The following PDIA6 variants were observed in gnomAD, a reference collection of about 807,000 sequenced individuals.
The protein encoded by PDIA6 is protein disulfide isomerase family A member 6, also known as protein disulfide-isomerase A6.
In PDIA6, 29 loss-of-function variants were observed where a neutral mutation model predicts 58.4. The ratio of observed to expected loss-of-function variants is 0.50; its 90% confidence interval spans 0.37 to 0.68. The LOEUF is 0.68. PDIA6 is among the 30% of genes least tolerant of loss of function. PDIA6 has a pLI of 0.00. For synonymous variants in PDIA6, 192 were observed against 202.6 expected (o/e 0.95, Z 0.44); for missense variants, 480 against 551.0 (o/e 0.87, Z 1.29).
chr2:10,786,557 G>A (rs1572647204), intron 11 of PDIA6, among the ~76,000 whole-genome samples: 1 of 152,022 alleles, frequency 6.6e-6, no homozygotes, highest in South Asian at 2.1e-4. Context: ...ACAAACTTCT[G>A]TGTCAAGTAG....
chr2:10,830,150 G>C (rs927755544), intron 1 of PDIA6, among the ~76,000 whole-genome samples: 1 of 152,210 alleles, frequency 6.6e-6, no homozygotes, highest in East Asian at 1.9e-4. Flanking sequence ...CCTTGCACCC[G>C]CATGTAGAAG....
rs537536348 is a variant in PDIA6 at position 10,805,982 on chromosome 2, G to A, written c.20-3342C>T. On this transcript the variant is annotated intron_variant, in intron 1 of 12. Coordinates refer to ENST00000272227, the MANE Select transcript of PDIA6 (RefSeq NM_005742.4). Reference sequence around the variant, plus strand: ...GCTAGATGAGGAGTTAGTGGGTGCAGTGCACCAGCATGGCACATGTACCCT... The same window carrying A: ...GCTAGATGAGGAGTTAGTGGGTGCAATGCACCAGCATGGCACATGTACCCT... Among the ~76,000 whole-genome samples, 2 of 53,594 alleles carry A rather than the reference G, an allele frequency of 3.7e-5. 1 individual carries two copies. Among genetic ancestry groups the A allele is most frequent in the Non-Finnish European group, 1.1e-4 (2 of 18,688 alleles). 35.2% of individuals were successfully genotyped at this position (53,594 alleles called of 152,430 possible). A position where few individuals can be genotyped will look rare whatever the true frequency, so the allele number is the denominator to read the frequency against.
intron 1 of PDIA6, among the ~76,000 whole-genome samples, chr2:10,807,378 A>T (rs923360248): frequency 6.6e-6 from 1 of 152,052 alleles, no homozygotes; most frequent in African/African-American, 2.4e-5. Flanking sequence ...TAACTTTTAA[A>T]TTTTTTGTAG....
intron 1 of PDIA6, among the ~76,000 whole-genome samples, chr2:10,808,481 T>G (rs1455747489): frequency 2.6e-5 from 4 of 152,154 alleles, no homozygotes; most frequent in African/African-American, 9.7e-5. Context: ...CAAGGAAGGT[T>G]TTCTTTGAAG....
chr2:10,825,718 A>G (rs965288585), intron 1 of PDIA6, among the ~76,000 whole-genome samples: 1 of 152,242 alleles, frequency 6.6e-6, no homozygotes, highest in Non-Finnish European at 1.5e-5. Flanking sequence ...AATAAAGCAC[A>G]TGAAAAGATG....
At chr2:10,836,684 A>G (rs995798465), upstream of PDIA6, among the ~76,000 whole-genome samples, 1 of 152,042 alleles carries the variant, frequency 6.6e-6, no homozygotes, top group Non-Finnish European at 1.5e-5. Flanking sequence ...AGTCACCTCA[A>G]AAAGAAACCT....
chr2:10,784,398 T>C (rs1198873), intron 12 of PDIA6, 72 bp from the exon 13 acceptor site: 708,395 of 1,239,380 alleles, frequency 0.57, 203,225 homozygotes, highest in Middle Eastern at 0.62. Flanking sequence ...TCTCATTTTA[T>C]GGAAGAGCGA....
chr2:10,791,151 T>TTTTC (rs1001511231), intron 6 of PDIA6, among the ~76,000 whole-genome samples: 4 of 40,772 alleles, frequency 9.8e-5, no homozygotes, highest in South Asian at 1.2e-3. Context: ...TTTTCTTTTC[T>TTTTC]TTTTTTTTTT....
chr2:10,791,136 C>T (rs1395159138), intron 6 of PDIA6, among the ~76,000 whole-genome samples: 2 of 134,790 alleles, frequency 1.5e-5, no homozygotes, highest in African/African-American at 5.1e-5. Flanking sequence ...GCCCAAACAC[C>T]TTTCTTTTCT....
intron 1 of PDIA6, chr2:10,810,256 A>G (rs1361549393): frequency 2.0e-6 from 3 of 1,507,708 alleles, no homozygotes; most frequent in Non-Finnish European, 2.7e-6. Context: ...AGATCATATA[A>G]TTAGATAGAC....
At chr2:10,784,357 C>A in intron 12 of PDIA6, 31 bp from the exon 13 acceptor site, 1 of 1,580,764 alleles carries the variant, frequency 6.3e-7, no homozygotes, top group Non-Finnish European at 8.7e-7. Flanking sequence ...ACTGTTAGAT[C>A]TGCAGAAGGG....
At chr2:10,816,747 G>A (rs1667208973), upstream of PDIA6, among the ~76,000 whole-genome samples, 1 of 152,070 alleles carries the variant, frequency 6.6e-6, no homozygotes, top group African/African-American at 2.4e-5. Context: ...CAGAAGGTGA[G>A]CTTCTACTTC....
intron 1 of PDIA6, among the ~76,000 whole-genome samples, chr2:10,828,161 A>G (rs1241881675): frequency 1.3e-5 from 2 of 152,186 alleles, no homozygotes; most frequent in African/African-American, 4.8e-5. Flanking sequence ...GGTGTTGTGC[A>G]TTCTATGGGT....
chr2:10,828,971 A>G (rs991158247), intron 1 of PDIA6, among the ~76,000 whole-genome samples: 37 of 152,158 alleles, frequency 2.4e-4, no homozygotes, highest in African/African-American at 8.7e-4. Context: ...CTGATGTATC[A>G]TCACGTTAAC....
At chr2:10,785,107 A>G in intron 11 of PDIA6, 77 bp from the exon 12 acceptor site, 1 of 997,272 alleles carries the variant, frequency 1.0e-6, no homozygotes, top group Non-Finnish European at 1.6e-6. Context: ...AACTTTAAAA[A>G]TAACAGTCTG....
chr2:10,802,823 C>T (rs547561396), intron 1 of PDIA6, among the ~76,000 whole-genome samples, 183 bp from the exon 2 acceptor site: 10 of 152,200 alleles, frequency 6.6e-5, no homozygotes, highest in East Asian at 5.8e-4. Context: ...ATTGCTGCAA[C>T]GCTGAGCAAG....
In PDIA6 at chr2:10,784,923, C is replaced by T. The variant is rs560061312; in HGVS notation, c.1254+11G>A. 4.4e-5 allele frequency: 69 copies of T among 1,558,174 alleles called. 1 individual carries two copies. The highest frequency in any genetic ancestry group is 2.0e-4 in the South Asian group (17 of 85,432). Reference sequence around the variant, plus strand: ...ACTGCTGCCCGCACAGCTTCCCTCCCGGGCACTCACCTCGCCATCCCTGCC... The same window carrying T: ...ACTGCTGCCCGCACAGCTTCCCTCCTGGGCACTCACCTCGCCATCCCTGCC... On this transcript the variant is annotated intron_variant, in intron 12 of 12. Coordinates refer to ENST00000272227, the MANE Select transcript of PDIA6 (RefSeq NM_005742.4).
chr2:10,837,577 T>C lies in PDIA6; in HGVS notation c.29A>G (p.Lys10Arg), dbSNP rs763813500. 7 of 822,448 alleles carry C rather than the reference T, an allele frequency of 8.5e-6. No homozygotes were observed. The South Asian group carries it at 1.0e-4, about 12-fold the overall frequency. The allele number at this position is 822,448 out of a possible 1,614,324, so 50.9% of individuals were successfully genotyped here. A position where few individuals can be genotyped will look rare whatever the true frequency, so the allele number is the denominator to read the frequency against. Reference sequence around the variant, plus strand: ...CAACTCATTTGATCCTCGGGACACTTTGGAGGCAGGGGCTGTGATTATCCT... The same window carrying C: ...CAACTCATTTGATCCTCGGGACACTCTGGAGGCAGGGGCTGTGATTATCCT... The change falls in exon 1 of 14, where the codon AAA (lysine) becomes AGA (arginine). Residue 10 changes from lysine to arginine, a missense_variant. Coordinates refer to the PDIA6 transcript ENST00000404824.
rs61740757 is a variant in PDIA6 at position 10,802,500 on chromosome 2, A to G, written c.160T>C (p.Trp54Arg). 5.8e-6 allele frequency: 8 copies of G among 1,377,172 alleles called. No homozygotes were observed. The highest frequency in any genetic ancestry group is 2.7e-5 in the East Asian group (1 of 37,142). The allele number at this position is 1,377,172 out of a possible 1,614,324, so 85.3% of individuals were successfully genotyped here. Reference protein sequence around the residue: ...SLWLVEFYAPWCGHCQRLTPE... With the variant: ...SLWLVEFYAPRCGHCQRLTPE... ...CTACAACTATTTTATAATACTTACC[A>G]TGGAGCATAGAATTCTACAAGCCAC... Residue 54 changes from tryptophan (W) to arginine (R), a missense_variant and splice_region_variant, in exon 2 of 13, where the codon TGG becomes CGG. Coordinates refer to ENST00000272227, the MANE Select transcript of PDIA6 (RefSeq NM_005742.4).
Sources: allele counts gnomAD v4.1 joint callset (sites outside exome capture counted in the v4.1 genomes callset), GRCh38; gene constraint gnomAD v4.1.1; transcripts MANE v1.5; gene names NCBI Gene and HGNC (gene_info 2026-07-23, HGNC 2026-07-21).